GON4L: variants seen among roughly 807,000 people sequenced by gnomAD.
The protein encoded by GON4L is gon-4 like.
Under a neutral mutation model 211.8 loss-of-function variants are expected in GON4L, and 87 were observed. The ratio of observed to expected loss-of-function variants is 0.41; its 90% confidence interval spans 0.35 to 0.49. The LOEUF is 0.49. Among genes scored for constraint, GON4L ranks in the 20% least tolerant of loss-of-function variants. The pLI, the probability that GON4L is intolerant of heterozygous loss-of-function variation, is 0.15. For missense variants in GON4L, 2,155 were observed against 2,659.5 expected, an observed-to-expected ratio of 0.81 and a Z score of 4.17; for synonymous variants, 875 against 962.6, an observed-to-expected ratio of 0.91 and a Z score of 1.68.
chr1:155,787,167 C>G (rs1185330211), intron 12 of GON4L, among the ~76,000 whole-genome samples: 1 of 152,140 alleles, frequency 6.6e-6, no homozygotes, highest in Non-Finnish European at 1.5e-5. Context: ...GCCTCAGCCT[C>G]CCAAAATGCT....
rs753385175 is a variant in GON4L at position 155,765,128 on chromosome 1, C to T, written c.4345G>A (p.Glu1449Lys). The change falls in exon 21 of 32, where the codon GAA becomes AAA. Residue 1449 changes from glutamate to lysine, a missense_variant. Transcript: ENST00000368331. ...GQSVGTPVGP[E>K]TGGEKNGPEE... ...GGCCCATTCTTCTCTCCTCCAGTTT[C>T]TGGCCCAACTGGAGTCCCCACTGAC... 1.9e-6 allele frequency: 3 copies of T among 1,614,018 alleles called. No homozygotes were observed. In the African/African-American group the frequency reaches 4.0e-5, roughly 22 times the overall value.
intron 24 of GON4L, among the ~76,000 whole-genome samples, chr1:155,758,587 C>T (rs965313452): frequency 2.0e-5 from 3 of 152,050 alleles, no homozygotes; most frequent in Non-Finnish European, 2.9e-5. Context: ...ATCTCAAACT[C>T]CTGTCTACAG....
intron 2 of GON4L, 142 bp from the exon 3 acceptor site, chr1:155,827,170 A>C: frequency 1.4e-6 from 1 of 696,066 alleles, no homozygotes; most frequent in Non-Finnish European, 2.6e-6. Flanking sequence ...TCCTCTCTTA[A>C]ATCAAAGCTC....
At chr1:155,777,921 T>A in intron 14 of GON4L, 101 bp from the exon 15 acceptor site, 1 of 750,160 alleles carries the variant, frequency 1.3e-6, no homozygotes, top group Admixed American at 1.9e-5. Flanking sequence ...CAATTTTCAT[T>A]CCCTACTAAT....
chr1:155,805,095 G>A lies in GON4L; in HGVS notation c.1499C>T (p.Pro500Leu). The A allele has an allele frequency of 3.1e-6, 5 of 1,613,658 alleles. No homozygotes were observed. The highest frequency in any genetic ancestry group is 4.2e-6 in the Non-Finnish European group (5 of 1,179,724). Residue 500 changes from proline (P) to leucine (L), a missense_variant, in exon 11 of 32, where the codon CCC becomes CTC. Physicochemically the swap from Pro to Leu is moderately conservative, Grantham distance 98 (BLOSUM62 -3). Around this residue, in one of 6 missense-constraint regions of GON4L, gnomAD observed 551 missense variants for 854.0 expected, o/e 0.65. Coordinates refer to ENST00000368331, the MANE Select transcript of GON4L (RefSeq NM_001282860.2). Reference sequence around the variant, plus strand: ...TTGGCCCAGGGGAACATCTTTCAGGGGCATCTTAGAACGCGTTCGAAATGC... The same window carrying A: ...TTGGCCCAGGGGAACATCTTTCAGGAGCATCTTAGAACGCGTTCGAAATGC... ...LIAFRTRSKM[P>L]LKDVPLGQLE...
chr1:155,778,314 C>T lies in GON4L; in HGVS notation c.1893-494G>A, dbSNP rs1209314702. 4.6e-5 allele frequency among the ~76,000 whole-genome samples: 7 copies of T among 152,084 alleles called. No homozygotes were observed. In the East Asian group the frequency reaches 1.2e-3, roughly 25 times the overall value. On this transcript the variant is annotated intron_variant, in intron 14 of 31. Transcript: ENST00000368331. ...TCGCCCAGGCTGGAGTGCAGTGGCACGATCTCAGCTCACTGCAACCTCCGC... is the reference window on the plus strand; with the variant it reads ...TCGCCCAGGCTGGAGTGCAGTGGCATGATCTCAGCTCACTGCAACCTCCGC...
At chr1:155,778,025 T>G (rs188067119) in intron 14 of GON4L, among the ~76,000 whole-genome samples, 8 of 152,316 alleles carry the variant, frequency 5.3e-5, no homozygotes. Flanking sequence ...TGATTCTATA[T>G]TACACTCTAT....
intron 18 of GON4L, among the ~76,000 whole-genome samples, chr1:155,771,961 G>C (rs890814756): frequency 6.6e-6 from 1 of 151,990 alleles, no homozygotes; most frequent in African/African-American, 2.4e-5. Flanking sequence ...TCAGGAGTTC[G>C]AGACCAGCCT....
chr1:155,834,925 T>C (rs1391983822), intron 2 of GON4L, among the ~76,000 whole-genome samples: 13 of 150,756 alleles, frequency 8.6e-5, no homozygotes, highest in African/African-American at 3.2e-4. Context: ...CAGCCGCCCC[T>C]ACTGGGAAGT....
Position 155,763,436 on chromosome 1 carries a change from T to C in GON4L, c.4602A>G (p.Gly1534=), listed in dbSNP as rs1286962733. ...PEEEEEEEAE[G]MESLQKEDEM... ...CATCCTCTTTCTGCAGGCTTTCCAT[T>C]CCTTCTGCTTCTTCTTCCTCCTCTT... Residue 1534 remains glycine (G), a synonymous_variant, in exon 22 of 32, where the codon GGA becomes GGG. Transcript: ENST00000368331. 6.4e-7 allele frequency: 1 copy of C among 1,567,762 alleles called. No individual in the cohort carries two copies. The highest frequency in any genetic ancestry group is 1.4e-5 in the African/African-American group (1 of 73,772).
intron 4 of GON4L, among the ~76,000 whole-genome samples, chr1:155,821,911 C>A (rs768261421): frequency 1.3e-5 from 2 of 152,182 alleles, no homozygotes; most frequent in African/African-American, 4.8e-5. Context: ...AAAGTATTTA[C>A]ATATGTACAA....
At chr1:155,798,372 A>G (rs752361640) in intron 11 of GON4L, among the ~76,000 whole-genome samples, 4 of 146,752 alleles carry the variant, frequency 2.7e-5, no homozygotes, top group Non-Finnish European at 6.0e-5. Context: ...CATAATCTCT[A>G]TAGTACTTTC....
intron 22 of GON4L, 146 bp downstream of exon 22, chr1:155,763,166 T>C: frequency 1.6e-6 from 1 of 622,366 alleles, no homozygotes; most frequent in Non-Finnish European, 2.8e-6. Context: ...TAAACATGTT[T>C]TGGGGGAGGG....
rs753950368 is a variant in GON4L, at chr1:155,766,412, T to C, written c.3061A>G (p.Thr1021Ala). The C allele has an allele frequency of 1.2e-5, 20 of 1,613,916 alleles. No individual in the cohort carries two copies. Among genetic ancestry groups the C allele is most frequent in the Admixed American group, 3.3e-5 (2 of 59,992 alleles). ...TCTGAATGAGTTGATCGGGCTGGTG[T>C]TTTCCCAGGGTTGAAGCTGGGCTGG... ...SLQPSFNPGK[T>A]PARSTHSEAP... Residue 1021 changes from threonine (T) to alanine (A), a missense_variant, in exon 21 of 32, where the codon ACA becomes GCA. Physicochemically the swap from Thr to Ala is moderately conservative, Grantham distance 58 (BLOSUM62 0). Transcript: ENST00000368331.
Position 155,815,904 on chromosome 1 carries a change from C to T in GON4L, c.1066-4G>A. 3 of 1,488,540 alleles carry T rather than the reference C, an allele frequency of 2.0e-6. No individual in the cohort carries two copies. The South Asian group carries it at 3.4e-5, about 17-fold the overall frequency. 92.2% of individuals were successfully genotyped at this position (1,488,540 alleles called of 1,614,324 possible). A position where few individuals can be genotyped will look rare whatever the true frequency, so the allele number is the denominator to read the frequency against. On this transcript the variant is annotated splice_region_variant and splice_polypyrimidine_tract_variant and intron_variant, in intron 7 of 31. Coordinates refer to ENST00000368331, the MANE Select transcript of GON4L (RefSeq NM_001282860.2). ...GGATATCCACAAACTGAGGAGGCTA[C>T]ATTAGTACAATTAGAAAGAAATGAA...
rs543961151 is a variant in GON4L, at chr1:155,749,890, A to G, written c.*694T>C. 6.6e-5 allele frequency: 105 copies of G among 1,597,876 alleles called. No homozygotes were observed. The South Asian group carries it at 1.1e-3, about 17-fold the overall frequency. On this transcript the variant is annotated 3_prime_UTR_variant, in exon 32 of 32. Transcript: ENST00000368331. The stretch of plus-strand genomic sequence containing the variant: ...GAGTCCCAGGGCAGAATAATCATCC[A>G]TCTACAGGTCTCTGTTTCCTCTCCC...
chr1:155,811,012 C>G (rs1268896137), intron 10 of GON4L, among the ~76,000 whole-genome samples: 1 of 151,710 alleles, frequency 6.6e-6, no homozygotes, highest in Non-Finnish European at 1.5e-5. Flanking sequence ...GACTGTGACT[C>G]CATATCCAAA....
chr1:155,806,371 G>A (rs1036629738), intron 10 of GON4L, among the ~76,000 whole-genome samples: 1 of 151,848 alleles, frequency 6.6e-6, no homozygotes, highest in African/African-American at 2.4e-5. Flanking sequence ...TTGAATTCCT[G>A]ACCTCAGGTG....
At chr1:155,755,677 T>G (rs907870737) in intron 27 of GON4L, among the ~76,000 whole-genome samples, 1 of 152,178 alleles carries the variant, frequency 6.6e-6, no homozygotes, top group Non-Finnish European at 1.5e-5. Context: ...AGACATAATC[T>G]GAGGCAAAAT....
Sources: allele counts gnomAD v4.1 joint callset (sites outside exome capture counted in the v4.1 genomes callset), GRCh38; gene constraint gnomAD v4.1.1; regional missense constraint gnomAD v4.1.1; transcripts MANE v1.5; gene names NCBI Gene and HGNC (gene_info 2026-07-23, HGNC 2026-07-21).